The following RNGTT variants were observed in gnomAD, a reference collection of about 807,000 sequenced individuals.
RNGTT encodes mRNA-capping enzyme.
In RNGTT, 33 loss-of-function variants were observed where a neutral mutation model predicts 79.3. That is an observed-to-expected ratio of 0.42 (90% CI 0.32 to 0.56). The LOEUF (loss-of-function observed/expected upper bound fraction) is 0.56, where lower values mean the gene tolerates loss of function less well. Ranked by LOEUF, RNGTT falls within the 20% of genes least tolerant of loss-of-function variation. RNGTT has a pLI of 0.17. For missense variants in RNGTT, 497 were observed against 739.1 expected (o/e 0.67, Z 3.80); for synonymous variants, 222 against 235.9 (o/e 0.94, Z 0.54).
At chr6:88,845,989 C>T (rs932231238) in intron 10 of RNGTT, among the ~76,000 whole-genome samples, 1 of 150,334 alleles carries the variant, frequency 6.7e-6, no homozygotes, top group Non-Finnish European at 1.5e-5. Context: ...AGTAAGCCCT[C>T]TTTTATGTTC....
chr6:88,847,169 A>T lies in RNGTT; in HGVS notation c.1104+2586T>A, dbSNP rs184671702. ...TAAAACTGACAAAATAAAATATTAA[A>T]TTTTTTTTTAAGTTCTCCTGTGTTC... On this transcript the variant is annotated intron_variant, in intron 10 of 15. Coordinates refer to ENST00000369485, the MANE Select transcript of RNGTT (RefSeq NM_003800.5). Among the ~76,000 whole-genome samples the T allele has an allele frequency of 9.4e-3, 1,434 of 151,966 alleles. 33 individuals carry two copies. The highest frequency in any genetic ancestry group is 0.033 in the African/African-American group (1,360 of 41,472).
At chr6:88,737,825 T>C (rs976005703) in intron 13 of RNGTT, among the ~76,000 whole-genome samples, 1 of 152,186 alleles carries the variant, frequency 6.6e-6, no homozygotes, top group Non-Finnish European at 1.5e-5. Context: ...TGGTATTTTG[T>C]TATGGTAGCT....
intron 13 of RNGTT, among the ~76,000 whole-genome samples, chr6:88,701,109 A>G (rs563424751): frequency 7.9e-5 from 12 of 152,214 alleles, no homozygotes; most frequent in Admixed American, 7.8e-4. Flanking sequence ...TGGAAGAAGA[A>G]GAAGAAAGAA....
intron 11 of RNGTT, among the ~76,000 whole-genome samples, chr6:88,843,548 C>CTTCTTTTTT (rs1437292319): frequency 3.3e-4 from 22 of 66,632 alleles, no homozygotes; most frequent in Middle Eastern, 8.8e-3. Context: ...TAGTATGATT[C>CTTCTTTTTT]TTTTTTTTTT....
chr6:88,849,308 A>T (rs1184834355), intron 10 of RNGTT, among the ~76,000 whole-genome samples: 1 of 152,052 alleles, frequency 6.6e-6, no homozygotes, highest in Non-Finnish European at 1.5e-5. Context: ...ATGTCCAGAA[A>T]AAAATGTCTT....
intron 12 of RNGTT, among the ~76,000 whole-genome samples, chr6:88,789,616 A>G (rs1039853479): frequency 6.6e-6 from 1 of 152,180 alleles, no homozygotes; most frequent in Non-Finnish European, 1.5e-5. Flanking sequence ...AACATCTTCT[A>G]CCCTTTATTC....
chr6:88,748,540 T>A (rs1354511815), intron 13 of RNGTT, among the ~76,000 whole-genome samples: 1 of 152,126 alleles, frequency 6.6e-6, no homozygotes, highest in Non-Finnish European at 1.5e-5. Context: ...CAACCCCTTA[T>A]TATACTTAAT....
chr6:88,844,653 G>T, intron 10 of RNGTT, 132 bp from the exon 11 acceptor site: 1 of 747,186 alleles, frequency 1.3e-6, no homozygotes, highest in Non-Finnish European at 2.1e-6. Context: ...TGCACAGCGT[G>T]CACAAACATA....
At chr6:88,698,258 T>TATA (rs1562202277) in intron 13 of RNGTT, among the ~76,000 whole-genome samples, 1 of 93,510 alleles carries the variant, frequency 1.1e-5, no homozygotes, top group Non-Finnish European at 1.7e-5. Context: ...AATATATATA[T>TATA]AAATATATAT....
intron 1 of RNGTT, among the ~76,000 whole-genome samples, chr6:88,951,552 T>G (rs1785248426): frequency 6.6e-6 from 1 of 152,100 alleles, no homozygotes; most frequent in African/African-American, 2.4e-5. Flanking sequence ...AGCCAGACAG[T>G]GCTGTAAATT....
intron 8 of RNGTT, among the ~76,000 whole-genome samples, chr6:88,865,910 G>A: frequency 6.6e-6 from 1 of 151,992 alleles, no homozygotes; most frequent in South Asian, 2.1e-4. Flanking sequence ...TTAAAATAAA[G>A]ATTAGTAAAA....
intron 13 of RNGTT, among the ~76,000 whole-genome samples, chr6:88,705,139 T>A (rs1023930925): frequency 5.3e-5 from 8 of 152,146 alleles, no homozygotes; most frequent in Non-Finnish European, 1.2e-4. Context: ...CTGATAAAAA[T>A]TTCATATTTT....
rs1398345298 is a variant in RNGTT, at chr6:88,941,166, G to C, written c.79C>G (p.Leu27Val). The C allele has an allele frequency of 1.2e-6, 2 of 1,605,462 alleles. No homozygotes were observed. The highest frequency in any genetic ancestry group is 2.7e-5 in the African/African-American group (2 of 74,684). The part of the protein sequence containing the change: ...GQPVAGRFLP[L>V]KTMLGPRYDS... ...TATCTTGGTCCTAACATTGTCTTCA[G>C]AGGTAAGAATCTTCCTAAACAACAC... The change falls in exon 2 of 16, where the codon CTG becomes GTG. Residue 27 changes from leucine (L) to valine (V), a missense_variant. Transcript: ENST00000369485.
chr6:88,738,607 C>T (rs1777361772), intron 13 of RNGTT, among the ~76,000 whole-genome samples: 1 of 152,142 alleles, frequency 6.6e-6, no homozygotes, highest in African/African-American at 2.4e-5. Flanking sequence ...GATGGCACCA[C>T]TGTACTCCAG....
At chr6:88,707,724 T>C (rs201696053) in intron 13 of RNGTT, among the ~76,000 whole-genome samples, 2 of 108,418 alleles carry the variant, frequency 1.8e-5, no homozygotes, top group African/African-American at 4.7e-5. Context: ...TTCCCTAACA[T>C]TAAAAAAAAA....
At chr6:88,920,160 A>G (rs1380384638) in intron 4 of RNGTT, among the ~76,000 whole-genome samples, 2 of 152,306 alleles carry the variant, frequency 1.3e-5, no homozygotes, top group East Asian at 3.9e-4. Flanking sequence ...AGGCAAAAAA[A>G]ATTAATGCAG....
chr6:88,853,532 C>A, intron 9 of RNGTT, 97 bp downstream of exon 9: 27 of 803,986 alleles, frequency 3.4e-5, no homozygotes, highest in Non-Finnish European at 4.5e-5. Context: ...AGTTAGATTT[C>A]ATTCGAAATT....
rs549299719 is a variant in RNGTT, at chr6:88,935,581, TAGG to T, written c.174+5487_174+5489del. ...GTTTTTTTTAATAAAATTAAAAAGT[TAGG>T]AGTTTTTTCTATTTCTATAAAAAAT... On this transcript the variant is annotated intron_variant, in intron 2 of 15. Transcript: ENST00000369485. Among the ~76,000 whole-genome samples, 179 of 152,270 alleles carry T rather than the reference TAGG, an allele frequency of 1.2e-3. 1 individual carries two copies. The highest frequency in any genetic ancestry group is 2.0e-3 in the Non-Finnish European group (134 of 68,036).
chr6:88,761,327 T>C lies in RNGTT; in HGVS notation c.1439+8447A>G, dbSNP rs190135818. Among the ~76,000 whole-genome samples the C allele has an allele frequency of 6.1e-3, 930 of 151,590 alleles. 18 individuals are homozygous for C. Among genetic ancestry groups the C allele is most frequent in the African/African-American group, 0.021 (849 of 41,356 alleles). Reference sequence around the variant, plus strand: ...CAACACTGTGAAACCCCACCCCTATTAAAATTATAAAAAATCAGCCCAGCA... The same window carrying C: ...CAACACTGTGAAACCCCACCCCTATCAAAATTATAAAAAATCAGCCCAGCA... On this transcript the variant is annotated intron_variant, in intron 13 of 15. Coordinates refer to ENST00000369485, the MANE Select transcript of RNGTT (RefSeq NM_003800.5).
Sources: allele counts gnomAD v4.1 joint callset (sites outside exome capture counted in the v4.1 genomes callset), GRCh38; gene constraint gnomAD v4.1.1; transcripts MANE v1.5; gene names NCBI Gene and HGNC (gene_info 2026-07-23, HGNC 2026-07-21).